The following CSMD1 variants were observed in gnomAD, a reference collection of about 807,000 sequenced individuals.
CSMD1 encodes CUB and Sushi multiple domains 1.
In CSMD1, 213 loss-of-function variants were observed where a neutral mutation model predicts 417.5. The ratio of observed to expected loss-of-function variants is 0.51; its 90% CI spans 0.46 to 0.57. The LOEUF (loss-of-function observed/expected upper bound fraction) is 0.57. Ranked by LOEUF, CSMD1 falls within the 20% of genes least tolerant of loss-of-function variation. The pLI, the probability that CSMD1 is intolerant of heterozygous loss-of-function variation, is 0.00. For synonymous variants in CSMD1, 2,862 were observed against 1,736.8 expected, an observed-to-expected ratio of 1.65 and a Z score of -16.11; for missense variants, 6,923 against 4,529.7, an observed-to-expected ratio of 1.53 and a Z score of -15.17.
intron 3 of CSMD1, among the ~76,000 whole-genome samples, chr8:4,135,895 G>A (rs1803400388): frequency 6.6e-6 from 1 of 152,040 alleles, no homozygotes; most frequent in African/African-American, 2.4e-5. Context: ...GCAATGATTT[G>A]GGATGTTTTA....
At chr8:4,636,331 T>C (rs1802808977) in intron 2 of CSMD1, among the ~76,000 whole-genome samples, 2 of 152,186 alleles carry the variant, frequency 1.3e-5, no homozygotes, top group African/African-American at 4.8e-5. Flanking sequence ...AATTTAAAAA[T>C]GATACCAGGA....
At chr8:4,180,616 C>T (rs1563232397) in intron 3 of CSMD1, among the ~76,000 whole-genome samples, 1 of 151,674 alleles carries the variant, frequency 6.6e-6, no homozygotes, top group South Asian at 2.1e-4. Context: ...AAATACAAAA[C>T]AAAACAGAAC....
intron 65 of CSMD1, among the ~76,000 whole-genome samples, chr8:2,952,812 G>C (rs1208512009): frequency 6.6e-6 from 1 of 152,166 alleles, no homozygotes; most frequent in Non-Finnish European, 1.5e-5. Flanking sequence ...GGTAGGGTAA[G>C]ATACAACCAA....
At chr8:4,461,882 A>C (rs925372112) in intron 2 of CSMD1, among the ~76,000 whole-genome samples, 1 of 151,794 alleles carries the variant, frequency 6.6e-6, no homozygotes, top group Admixed American at 6.6e-5. Flanking sequence ...CTCGGACTAC[A>C]GGAGCCCGCC....
intron 3 of CSMD1, among the ~76,000 whole-genome samples, chr8:4,402,169 C>T (rs1286421190): frequency 1.3e-5 from 2 of 152,054 alleles, no homozygotes; most frequent in Non-Finnish European, 2.9e-5. Context: ...TAATACCAAC[C>T]ACATCTACTT....
intron 37 of CSMD1, among the ~76,000 whole-genome samples, chr8:3,179,030 C>T (rs1821122944): frequency 6.6e-6 from 1 of 151,180 alleles, no homozygotes; most frequent in African/African-American, 2.4e-5. Context: ...TCACTGCAAG[C>T]TCTGCCTCCC....
chr8:4,329,032 G>T (rs17069952), intron 3 of CSMD1, among the ~76,000 whole-genome samples: 2 of 151,988 alleles, frequency 1.3e-5, no homozygotes, highest in African/African-American at 4.8e-5. Context: ...ATCTTCCTTT[G>T]TAAGTCAAGC....
intron 10 of CSMD1, among the ~76,000 whole-genome samples, chr8:3,504,972 C>A (rs144305918): frequency 1.3e-5 from 2 of 151,440 alleles, no homozygotes; most frequent in Non-Finnish European, 2.9e-5. Context: ...TTAACCAGTG[C>A]ACCAGGGAAA....
intron 25 of CSMD1, among the ~76,000 whole-genome samples, chr8:3,292,461 T>TA (rs974834978): frequency 5.3e-5 from 8 of 152,308 alleles, no homozygotes; most frequent in African/African-American, 1.4e-4. Context: ...TGTGGGTGTC[T>TA]GAGTCTCTTT....
At chr8:4,435,722 C>T (rs1174539379) in intron 2 of CSMD1, among the ~76,000 whole-genome samples, 1 of 152,108 alleles carries the variant, frequency 6.6e-6, no homozygotes, top group Non-Finnish European at 1.5e-5. Context: ...GCTGTGGCTG[C>T]CTTGAGATCT....
At chr8:3,421,788 A>G (rs1044989913) in intron 12 of CSMD1, among the ~76,000 whole-genome samples, 1 of 152,140 alleles carries the variant, frequency 6.6e-6, no homozygotes, top group Non-Finnish European at 1.5e-5. Flanking sequence ...CAGGTGCATG[A>G]CACCATGCCC....
At chr8:4,080,927 T>A (rs73190327) in intron 3 of CSMD1, among the ~76,000 whole-genome samples, 18,073 of 152,092 alleles carry the variant, frequency 0.12, 1,153 homozygotes, top group Middle Eastern at 0.18. Flanking sequence ...CTTTGTGAGG[T>A]GATTAGGCTC....
chr8:4,006,854 G>A (rs531133039), intron 4 of CSMD1, among the ~76,000 whole-genome samples: 12 of 124,604 alleles, frequency 9.6e-5, no homozygotes, highest in Non-Finnish European at 1.9e-4. Context: ...TTGAGATGGA[G>A]ACTCACTCTG....
chr8:3,931,876 G>A lies in CSMD1; in HGVS notation c.818+66027C>T, dbSNP rs139883737. Among the ~76,000 whole-genome samples the A allele has an allele frequency of 2.8e-4, 41 of 146,132 alleles. 2 individuals carry two copies. The East Asian group carries it at 6.9e-3, about 25-fold the overall frequency. On this transcript the variant is annotated intron_variant, in intron 5 of 69. Coordinates refer to ENST00000635120, the MANE Select transcript of CSMD1 (RefSeq NM_033225.6). ...AGTTGCAAAGGGAGAAGTGATTTTG[G>A]TTGTCAGACATTGTAGGAAAAGAAA... is the stretch of plus-strand genomic sequence containing the variant.
chr8:3,188,071 TATATAC>T (rs1160562816), intron 35 of CSMD1, 106 bp from the exon 36 acceptor site: 2 of 447,062 alleles, frequency 4.5e-6, no homozygotes, highest in East Asian at 4.3e-5. Flanking sequence ...TATGTATATA[TATATAC>T]ATATGTATAT....
At chr8:4,472,275 C>G (rs1800578765) in intron 2 of CSMD1, among the ~76,000 whole-genome samples, 1 of 152,080 alleles carries the variant, frequency 6.6e-6, no homozygotes, top group African/African-American at 2.4e-5. Flanking sequence ...GCAGTCTCTT[C>G]TAATAATTAA....
At chr8:4,067,327 T>C (rs1023273346) in intron 3 of CSMD1, among the ~76,000 whole-genome samples, 1 of 152,246 alleles carries the variant, frequency 6.6e-6, no homozygotes, top group South Asian at 2.1e-4. Context: ...AAGTAACGTT[T>C]TCAAGTAAGG....
intron 5 of CSMD1, among the ~76,000 whole-genome samples, chr8:3,815,181 C>T (rs780187510): frequency 1.3e-5 from 2 of 152,106 alleles, no homozygotes; most frequent in Non-Finnish European, 2.9e-5. Context: ...TTTCTATAGT[C>T]CCAGGTCAAC....
chr8:4,817,198 G>C (rs1215639873), intron 1 of CSMD1, among the ~76,000 whole-genome samples: 6 of 151,996 alleles, frequency 3.9e-5, no homozygotes, highest in Admixed American at 3.9e-4. Flanking sequence ...ATATTACTGT[G>C]CTCCTATATG....
Sources: gnomAD v4.1 joint callset for allele counts (sites outside exome capture counted in the v4.1 genomes callset) on GRCh38, gnomAD v4.1.1 for gene constraint, MANE v1.5 for transcripts, NCBI Gene and HGNC (gene_info 2026-07-23, HGNC 2026-07-21) for gene names.